Variants in ATXN2 observed in about 807,000 individuals in gnomAD.
ATXN2 encodes ataxin-2.
In ATXN2, 37 loss-of-function variants were observed where a neutral mutation model predicts 138.6. The observed-to-expected ratio is 0.27, with a 90% CI of 0.21 to 0.35. ATXN2 has a LOEUF of 0.35. Among genes scored for constraint, ATXN2 ranks in the 10% least tolerant of loss-of-function variants. The pLI is 1.00. For synonymous variants in ATXN2, 549 were observed against 543.7 expected, an observed-to-expected ratio of 1.01 and a Z score of -0.13; for missense variants, 1,216 against 1,480.3, an observed-to-expected ratio of 0.82 and a Z score of 2.93.
At chr12:111,485,651 G>A (rs17805591) in intron 17 of ATXN2, 62 bp downstream of exon 17, 58,141 of 1,580,848 alleles carry the variant, frequency 0.037, 1,297 homozygotes, top group Middle Eastern at 0.068. Flanking sequence ...AACCTAAAGA[G>A]TGCTTGGTGT....
At chr12:111,486,623 T>C (rs1877660402) in intron 16 of ATXN2, 138 bp downstream of exon 16, 2 of 655,880 alleles carry the variant, frequency 3.0e-6, no homozygotes, top group Non-Finnish European at 5.3e-6. Context: ...TATTCATTAA[T>C]GGCCATGTAA....
chr12:111,533,517 T>C (rs1880963865), intron 5 of ATXN2, among the ~76,000 whole-genome samples: 1 of 149,066 alleles, frequency 6.7e-6, no homozygotes, highest in Non-Finnish European at 1.5e-5. Context: ...ATATAATTTT[T>C]TTTTTTCTTT....
chr12:111,538,038 G>A (rs1881289437), intron 5 of ATXN2, among the ~76,000 whole-genome samples: 1 of 151,904 alleles, frequency 6.6e-6, no homozygotes, highest in Non-Finnish European at 1.5e-5. Context: ...TGAGGTTATG[G>A]TGAGCTACGA....
intron 5 of ATXN2, among the ~76,000 whole-genome samples, chr12:111,543,140 A>G (rs1293462458): frequency 2.6e-5 from 4 of 152,108 alleles, no homozygotes; most frequent in Admixed American, 6.6e-5. Flanking sequence ...ACTGGCCTCA[A>G]TAAGTGCCAC....
intron 1 of ATXN2, among the ~76,000 whole-genome samples, chr12:111,595,615 C>G (rs1481252912): frequency 6.9e-6 from 1 of 145,964 alleles, no homozygotes; most frequent in African/African-American, 2.5e-5. Flanking sequence ...GCACTTCAGA[C>G]TGGGCAAACA....
At chr12:111,475,071 G>A (rs962245860) in intron 18 of ATXN2, among the ~76,000 whole-genome samples, 59 of 152,160 alleles carry the variant, frequency 3.9e-4, no homozygotes, top group Admixed American at 2.4e-3. Flanking sequence ...AAAATTAGCC[G>A]GGTGTGGTGG....
intron 18 of ATXN2, among the ~76,000 whole-genome samples, chr12:111,473,108 G>A (rs10849951): frequency 0.38 from 57,427 of 151,342 alleles, 14,943 homozygotes; most frequent in East Asian, 0.9. Flanking sequence ...CCCTGTCTCT[G>A]CAAAATATAC....
In ATXN2 at chr12:111,598,949, G is replaced by GGCTGCGGCT. The variant is rs765255405; in HGVS notation, c.85_86insAGCCGCAGC (p.Gln28_Pro29insGlnProGln). 8 of 1,412,074 alleles carry GGCTGCGGCT rather than the reference G, an allele frequency of 5.7e-6. No individual in the cohort carries two copies. The East Asian group carries it at 1.7e-4, about 31-fold the overall frequency. The allele number at this position is 1,412,074 out of a possible 1,614,324, so 87.5% of individuals were successfully genotyped here. On this transcript the variant is annotated inframe_insertion, in exon 1 of 25. Coordinates refer to ENST00000673436, the MANE Select transcript of ATXN2 (RefSeq NM_001372574.1). This position sits in a 1 kb window ranked among gnomAD's most constrained non-coding sequence, Gnocchi z 4.5. ...GCGGACATTGGCAGCCGCGGGCGGC[G>GGCTGCGGCT]GCTGCTGCTGCTGCTGCTGCTGCTG...
chr12:111,569,900 C>A (rs1396746516), intron 1 of ATXN2, among the ~76,000 whole-genome samples: 1 of 152,142 alleles, frequency 6.6e-6, no homozygotes, highest in Non-Finnish European at 1.5e-5. Context: ...GGGCTCTAGT[C>A]CCATGCTGTC....
chr12:111,502,471 C>T (rs1878840451), intron 14 of ATXN2, among the ~76,000 whole-genome samples: 4 of 151,808 alleles, frequency 2.6e-5, no homozygotes, highest in Admixed American at 2.6e-4. Context: ...CTCTTATTGC[C>T]CAGGCTGGAG....
At chr12:111,496,420 C>T (rs914691002) in intron 14 of ATXN2, among the ~76,000 whole-genome samples, 1 of 151,930 alleles carries the variant, frequency 6.6e-6, no homozygotes, top group African/African-American at 2.4e-5. Context: ...CCTGTAATCC[C>T]AGCTACTCAG....
At chr12:111,570,277 T>C (rs1883244982) in intron 1 of ATXN2, among the ~76,000 whole-genome samples, 1 of 152,154 alleles carries the variant, frequency 6.6e-6, no homozygotes, top group African/African-American at 2.4e-5. Flanking sequence ...AACAATTGTA[T>C]TCCCCTTCAA....
intron 1 of ATXN2, among the ~76,000 whole-genome samples, chr12:111,586,810 C>G (rs368112621): frequency 6.6e-6 from 1 of 152,050 alleles, no homozygotes; most frequent in Non-Finnish European, 1.5e-5. Flanking sequence ...CGTGAGCCAC[C>G]GCACCCAGCT....
intron 23 of ATXN2, chr12:111,455,203 A>T: frequency 1.4e-6 from 1 of 692,146 alleles, no homozygotes; most frequent in South Asian, 1.5e-5. Flanking sequence ...TAGCAGAGAC[A>T]TCTAATACAG....
At chr12:111,575,134 T>G (rs1413371854) in intron 1 of ATXN2, among the ~76,000 whole-genome samples, 1 of 152,106 alleles carries the variant, frequency 6.6e-6, no homozygotes, top group African/African-American at 2.4e-5. Context: ...TCAGAAAGCT[T>G]CTCAAACATA....
At chr12:111,553,373 G>A (rs1172550442) in intron 3 of ATXN2, among the ~76,000 whole-genome samples, 4 of 151,834 alleles carry the variant, frequency 2.6e-5, no homozygotes, top group Non-Finnish European at 5.9e-5. Context: ...TAATACTTAA[G>A]TCACTTACAT....
chr12:111,566,198 C>T (rs1295123424), intron 1 of ATXN2, among the ~76,000 whole-genome samples: 2 of 151,922 alleles, frequency 1.3e-5, no homozygotes, highest in East Asian at 1.9e-4. Flanking sequence ...TTCGGAAGGC[C>T]GAGGCAGGCA....
chr12:111,575,320 G>A lies in ATXN2; in HGVS notation c.252-19401C>T, dbSNP rs368899952. Among the ~76,000 whole-genome samples, 33 of 152,190 alleles carry A rather than the reference G, an allele frequency of 2.2e-4. No homozygotes were observed. The South Asian group carries it at 3.9e-3, about 18-fold the overall frequency. ...CTCGCTTCAGCCTCGTAGTAGCTGC[G>A]ACTACAGGTGTGTGCTGCCATCCCC... On this transcript the variant is annotated intron_variant, in intron 1 of 24. Transcript: ENST00000673436.
intron 5 of ATXN2, among the ~76,000 whole-genome samples, chr12:111,536,289 T>C (rs1881171110): frequency 6.6e-6 from 1 of 152,208 alleles, no homozygotes; most frequent in Admixed American, 6.5e-5. Flanking sequence ...ATTTTCTATT[T>C]TCACTGTTAA....
Sources: allele counts gnomAD v4.1 joint callset (sites outside exome capture counted in the v4.1 genomes callset), GRCh38; gene constraint gnomAD v4.1.1; non-coding constraint Gnocchi (gnomAD v3.1); transcripts MANE v1.5; gene names NCBI Gene and HGNC (gene_info 2026-07-23, HGNC 2026-07-21).